SGCZ: variants seen among roughly 807,000 people sequenced by gnomAD.
The protein encoded by SGCZ is sarcoglycan zeta.
A neutral mutation model predicts 41.3 loss-of-function variants in SGCZ; 40 were observed. That is an observed-to-expected ratio of 0.97 (90% confidence interval 0.75 to 1.26). The LOEUF is 1.26. Among genes scored for constraint, SGCZ ranks in the 50% most tolerant of loss-of-function variants. SGCZ has a pLI of 0.00. For synonymous variants in SGCZ, 206 were observed against 137.5 expected, an observed-to-expected ratio of 1.50 and a Z score of -3.49; for missense variants, 552 against 369.8, an observed-to-expected ratio of 1.49 and a Z score of -4.04.
chr8:14,656,897 A>G (rs1807595514), intron 1 of SGCZ, among the ~76,000 whole-genome samples: 1 of 152,124 alleles, frequency 6.6e-6, no homozygotes, highest in African/African-American at 2.4e-5. Context: ...ATTAAATACT[A>G]TATAAATACT....
chr8:14,858,203 CAT>C (rs1255228750), intron 1 of SGCZ, among the ~76,000 whole-genome samples: 3 of 151,552 alleles, frequency 2.0e-5, no homozygotes, highest in African/African-American at 7.3e-5. Context: ...TATGTATACA[CAT>C]ATAAAATATA....
In SGCZ at chr8:14,881,459, G is replaced by A. The variant is rs116995389; in HGVS notation, c.40-326533C>T. Reference sequence around the variant, plus strand: ...AGGATGTCTATGTGGGATATCTCACGGCAGGGAGTGAAAAGATGCAGATTG... The same window carrying A: ...AGGATGTCTATGTGGGATATCTCACAGCAGGGAGTGAAAAGATGCAGATTG... On this transcript the variant is annotated intron_variant, in intron 1 of 7. Transcript: ENST00000382080. Among the ~76,000 whole-genome samples, 281 of 152,176 alleles carry A rather than the reference G, an allele frequency of 1.8e-3. 3 individuals carry two copies. The highest frequency in any genetic ancestry group is 0.012 in the Admixed American group (190 of 15,278).
chr8:14,149,196 C>T (rs368574772), intron 5 of SGCZ, among the ~76,000 whole-genome samples: 1 of 151,928 alleles, frequency 6.6e-6, no homozygotes. Context: ...AGCCATCAGA[C>T]CAGAGAAAGA....
At chr8:14,546,669 C>A (rs1372377063) in intron 2 of SGCZ, among the ~76,000 whole-genome samples, 3 of 152,048 alleles carry the variant, frequency 2.0e-5, no homozygotes, top group Non-Finnish European at 4.4e-5. Flanking sequence ...ATTAAGATAT[C>A]TTTTGCCCAA....
In SGCZ at chr8:14,357,414, G is replaced by A. The variant is rs146611278; in HGVS notation, c.235-33210C>T. On this transcript the variant is annotated intron_variant, in intron 2 of 7. Coordinates refer to ENST00000382080, the MANE Select transcript of SGCZ (RefSeq NM_139167.4). ...ATTCTTCGCAACATAAAAAAACTGTGTAGCAATGACAATAGTTATAACATT... is the reference window on the plus strand; with the variant it reads ...ATTCTTCGCAACATAAAAAAACTGTATAGCAATGACAATAGTTATAACATT... Among the ~76,000 whole-genome samples the A allele has an allele frequency of 8.8e-3, 1,342 of 152,268 alleles. 13 individuals are homozygous for A. Among genetic ancestry groups the A allele is most frequent in the South Asian group, 0.02 (98 of 4,820 alleles).
At chr8:15,171,732 T>C (rs1799835846) in intron 1 of SGCZ, among the ~76,000 whole-genome samples, 1 of 152,228 alleles carries the variant, frequency 6.6e-6, no homozygotes, top group African/African-American at 2.4e-5. Context: ...ATCAAGCCTG[T>C]TGTAGATGAT....
intron 2 of SGCZ, among the ~76,000 whole-genome samples, chr8:14,457,433 A>AC (rs752038649): frequency 2.0e-4 from 30 of 152,266 alleles, no homozygotes; most frequent in Admixed American, 8.5e-4. Context: ...CCGGGAAAAG[A>AC]GGGGGTCTCC....
chr8:15,237,870 C>A lies in SGCZ; in HGVS notation c.-247G>T. On this transcript the variant is annotated 5_prime_UTR_variant, in exon 1 of 8. Coordinates refer to ENST00000382080, the MANE Select transcript of SGCZ (RefSeq NM_139167.4). Reference sequence around the variant, plus strand: ...GTGACAGGTGATCTCTACCGCGGTGCAACACAGCTGAGTCGATTGAAACAG... The same window carrying A: ...GTGACAGGTGATCTCTACCGCGGTGAAACACAGCTGAGTCGATTGAAACAG... 9 of 439,118 alleles carry A rather than the reference C, an allele frequency of 2.0e-5. No homozygotes were observed. Among genetic ancestry groups the A allele is most frequent in the East Asian group, 3.5e-5 (1 of 28,436 alleles). The allele number at this position is 439,118 out of a possible 1,614,324, so 27.2% of individuals were successfully genotyped here.
chr8:14,508,160 C>T (rs1302340470), intron 2 of SGCZ, among the ~76,000 whole-genome samples: 1 of 152,102 alleles, frequency 6.6e-6, no homozygotes, highest in Non-Finnish European at 1.5e-5. Flanking sequence ...CTTACCAGTA[C>T]CTAACATACT....
chr8:14,149,498 C>A (rs1362616414), intron 5 of SGCZ, among the ~76,000 whole-genome samples: 1 of 151,854 alleles, frequency 6.6e-6, no homozygotes, highest in African/African-American at 2.4e-5. Flanking sequence ...AACTATAAAA[C>A]ACTGGTGAAA....
rs1367530967 is a variant in SGCZ at position 14,146,867 on chromosome 8, G to A, written c.547+17713C>T. ...AGCCTGGGCGACAGAGCGAGACTCC[G>A]TCTCAAAAAATAAAAATAAAAAAAA... is the stretch of plus-strand genomic sequence containing the variant. On this transcript the variant is annotated intron_variant, in intron 5 of 7. Coordinates refer to ENST00000382080, the MANE Select transcript of SGCZ (RefSeq NM_139167.4). Among the ~76,000 whole-genome samples the A allele has an allele frequency of 1.7e-4, 18 of 107,998 alleles. 1 individual carries two copies. Among genetic ancestry groups the A allele is most frequent in the African/African-American group, 3.7e-4 (9 of 24,606 alleles). The allele number at this position is 107,998 out of a possible 152,430, so 70.9% of individuals were successfully genotyped here.
chr8:14,195,382 TA>T (rs966830874), intron 4 of SGCZ, among the ~76,000 whole-genome samples: 9 of 151,982 alleles, frequency 5.9e-5, no homozygotes, highest in African/African-American at 1.7e-4. Flanking sequence ...AAAATTAGAA[TA>T]AAAAAATGAG....
At chr8:14,968,788 T>C (rs1801199228) in intron 1 of SGCZ, among the ~76,000 whole-genome samples, 1 of 152,110 alleles carries the variant, frequency 6.6e-6, no homozygotes, top group Admixed American at 6.6e-5. Context: ...AGAATATAAA[T>C]TTTGTGATTT....
At chr8:14,590,218 T>C (rs1458056278) in intron 1 of SGCZ, among the ~76,000 whole-genome samples, 1 of 152,084 alleles carries the variant, frequency 6.6e-6, no homozygotes, top group African/African-American at 2.4e-5. Context: ...TTATGTCTAC[T>C]AGGACAGAGG....
At chr8:14,726,655 G>A (rs1318347420) in intron 1 of SGCZ, among the ~76,000 whole-genome samples, 3 of 151,672 alleles carry the variant, frequency 2.0e-5, no homozygotes, top group Non-Finnish European at 2.9e-5. Flanking sequence ...GAAATTGGGA[G>A]TATAAATACA....
intron 1 of SGCZ, among the ~76,000 whole-genome samples, chr8:15,022,934 A>G (rs1270956051): frequency 6.6e-6 from 1 of 152,206 alleles, no homozygotes; most frequent in African/African-American, 2.4e-5. Context: ...AGAACCTCAC[A>G]TTCCGACAGT....
chr8:14,395,002 C>T (rs11989288), intron 2 of SGCZ, among the ~76,000 whole-genome samples: 25,455 of 151,892 alleles, frequency 0.17, 5,003 homozygotes, highest in African/African-American at 0.48. Context: ...AACTTTGTTT[C>T]CTAAATTGTA....
At chr8:14,197,593 C>A (rs1315673558) in intron 4 of SGCZ, among the ~76,000 whole-genome samples, 2 of 151,908 alleles carry the variant, frequency 1.3e-5, no homozygotes, top group African/African-American at 4.8e-5. Flanking sequence ...GAAAAAGCTT[C>A]TGTCAAAATT....
intron 6 of SGCZ, among the ~76,000 whole-genome samples, chr8:14,102,900 TAC>T (rs891042363): frequency 5.6e-4 from 86 of 152,312 alleles, no homozygotes; most frequent in African/African-American, 1.7e-3. Flanking sequence ...ATAAAAAATT[TAC>T]AGTTTAGGAT....
Sources: gnomAD v4.1 joint callset for allele counts (sites outside exome capture counted in the v4.1 genomes callset) on GRCh38, gnomAD v4.1.1 for gene constraint, MANE v1.5 for transcripts, NCBI Gene and HGNC (gene_info 2026-07-23, HGNC 2026-07-21) for gene names.